The following DZANK1 variants were observed in gnomAD, a reference collection of about 807,000 sequenced individuals.
DZANK1 encodes double zinc ribbon and ankyrin repeat domains 1.
DZANK1 carries 91 observed loss-of-function variants against 94.5 expected under a neutral mutation model. The observed-to-expected ratio is 0.96, with a 90% CI of 0.81 to 1.15. DZANK1 has a LOEUF of 1.15. DZANK1 is among the 50% of genes most tolerant of loss of function. The pLI is 0.00. For synonymous variants in DZANK1, 312 were observed against 325.3 expected (o/e 0.96, Z 0.44); for missense variants, 903 against 916.4 (o/e 0.99, Z 0.19).
chr20:18,394,255 C>G, exon 16 of DZANK1: 1 of 1,613,002 alleles, frequency 6.2e-7, no homozygotes, highest in Non-Finnish European at 8.5e-7. Context: ...ATAACTCACC[C>G]CAGCTGGACC....
Position 18,415,197 on chromosome 20 carries a change from C to T in DZANK1, c.1077+130G>A, listed in dbSNP as rs1293835809. On this transcript the variant is annotated intron_variant, in intron 11 of 20. Coordinates refer to ENST00000262547, the Ensembl canonical transcript of DZANK1. ...AATTAATTATCTCTATCTCCAGATT[C>T]TTAGGTTATAGGTACCAGTAGCGAA... 3 of 930,456 alleles carry T rather than the reference C, an allele frequency of 3.2e-6. No homozygotes were observed. In the Admixed American group the frequency reaches 1.1e-4, roughly 34 times the overall value. The allele number at this position is 930,456 out of a possible 1,614,324, so 57.6% of individuals were successfully genotyped here.
At chr20:18,448,382 G>A (rs1044833391) in intron 7 of DZANK1, among the ~76,000 whole-genome samples, 3 of 152,138 alleles carry the variant, frequency 2.0e-5, no homozygotes, top group Admixed American at 6.5e-5. Flanking sequence ...TGTGATGAGC[G>A]GGGGTAAAAG....
chr20:18,430,550 C>T (rs1032132441), intron 9 of DZANK1, among the ~76,000 whole-genome samples: 3 of 152,182 alleles, frequency 2.0e-5, no homozygotes, highest in African/African-American at 7.2e-5. Flanking sequence ...TGCGGTGGCC[C>T]ACGCCTGTAA....
intron 13 of DZANK1, among the ~76,000 whole-genome samples, chr20:18,402,388 G>T (rs1043778936): frequency 6.6e-6 from 1 of 152,086 alleles, no homozygotes; most frequent in Non-Finnish European, 1.5e-5. Context: ...GCACTAAGAA[G>T]AAAAATGGCA....
At chr20:18,394,447 T>C in intron 15 of DZANK1, 97 bp from the exon 16 acceptor site, 1 of 1,166,498 alleles carries the variant, frequency 8.6e-7, no homozygotes, top group Non-Finnish European at 1.2e-6. Flanking sequence ...CCTTATTAAG[T>C]ACAGCTCTAC....
exon 17 of DZANK1, chr20:18,393,749 T>C: frequency 1.2e-6 from 2 of 1,613,304 alleles, no homozygotes; most frequent in South Asian, 2.2e-5. Flanking sequence ...GTTTTGGTCT[T>C]GAAATTCTTT....
intron 15 of DZANK1, 91 bp from the exon 16 acceptor site, chr20:18,394,441 A>T: frequency 8.1e-7 from 1 of 1,235,172 alleles, no homozygotes; most frequent in Non-Finnish European, 1.2e-6. Flanking sequence ...GCTCCTCCTT[A>T]TTAAGTACAG....
Position 18,443,337 on chromosome 20 carries a change from T to C in DZANK1, c.747+10A>G. 1 of 1,499,282 alleles carries C rather than the reference T, an allele frequency of 6.7e-7. No homozygotes were observed. Among genetic ancestry groups the C allele is most frequent in the Non-Finnish European group, 9.1e-7 (1 of 1,100,002 alleles). The allele number at this position is 1,499,282 out of a possible 1,614,324, so 92.9% of individuals were successfully genotyped here. A position where few individuals can be genotyped will look rare whatever the true frequency, so the allele number is the denominator to read the frequency against. ...CAATGAAAGATGTTTTTAAGAATTCTGCTGCTCACCTGAGCTCCTTCTGGG... is the reference window on the plus strand; with the variant it reads ...CAATGAAAGATGTTTTTAAGAATTCCGCTGCTCACCTGAGCTCCTTCTGGG... On this transcript the variant is annotated intron_variant, in intron 8 of 20. Coordinates refer to ENST00000262547, the Ensembl canonical transcript of DZANK1.
Position 18,415,318 on chromosome 20 carries a change from A to T in DZANK1, c.1077+9T>A, listed in dbSNP as rs2057438779. 1.3e-6 allele frequency: 2 copies of T among 1,526,620 alleles called. No individual in the cohort carries two copies. Among genetic ancestry groups the T allele is most frequent in the African/African-American group, 1.4e-5 (1 of 71,194 alleles). The allele number at this position is 1,526,620 out of a possible 1,614,324, so 94.6% of individuals were successfully genotyped here. ...TCAGTATACAGAATCTCAGTTTTAA[A>T]ATACCCACCATGGCTCCACACCAGC... On this transcript the variant is annotated intron_variant, in intron 11 of 20. Coordinates refer to ENST00000262547, the Ensembl canonical transcript of DZANK1.
chr20:18,392,090 G>A (rs1410948627), intron 17 of DZANK1, among the ~76,000 whole-genome samples: 1 of 152,110 alleles, frequency 6.6e-6, no homozygotes, highest in Non-Finnish European at 1.5e-5. Context: ...GTGAACAAAT[G>A]TTACAGCTTC....
intron 15 of DZANK1, among the ~76,000 whole-genome samples, chr20:18,395,975 G>A (rs2056318599): frequency 6.6e-6 from 1 of 152,020 alleles, no homozygotes; most frequent in Admixed American, 6.6e-5. Context: ...CCTTTTCCTT[G>A]GCTTCTCAAT....
intron 13 of DZANK1, among the ~76,000 whole-genome samples, chr20:18,409,623 A>G (rs2057140680): frequency 6.6e-6 from 1 of 151,958 alleles, no homozygotes; most frequent in Non-Finnish European, 1.5e-5. Flanking sequence ...GTAATTATGT[A>G]ATTATAAAAG....
At chr20:18,414,447 T>A (rs1345881215) in exon 12 of DZANK1, 13 of 1,613,710 alleles carry the variant, frequency 8.1e-6, no homozygotes, top group Non-Finnish European at 1.0e-5. Context: ...AGCCACAGAA[T>A]CGGGCAGACA....
At chr20:18,409,999 C>T (rs1308895827) in intron 13 of DZANK1, among the ~76,000 whole-genome samples, 3 of 143,362 alleles carry the variant, frequency 2.1e-5, no homozygotes, top group Non-Finnish European at 3.0e-5. Flanking sequence ...CGCCACCGCA[C>T]TCCAGCCTGG....
Position 18,390,463 on chromosome 20 carries a change from C to T in DZANK1, c.1810-4G>A. 6.2e-7 allele frequency: 1 copy of T among 1,613,592 alleles called. No homozygotes were observed. The highest frequency in any genetic ancestry group is 2.2e-5 in the East Asian group (1 of 44,882). On this transcript the variant is annotated splice_polypyrimidine_tract_variant and splice_region_variant and intron_variant, in intron 17 of 20. Coordinates refer to ENST00000262547, the Ensembl canonical transcript of DZANK1. The stretch of plus-strand genomic sequence containing the variant: ...TCAGCAGGAGTCTGTTTTCAGGCTG[C>T]AGGATTACAGAATGTGGTCATTTCC...
chr20:18,426,853 T>G (rs906712197), intron 10 of DZANK1, among the ~76,000 whole-genome samples: 2 of 152,250 alleles, frequency 1.3e-5, no homozygotes, highest in Non-Finnish European at 2.9e-5. Context: ...AAGAAATTAT[T>G]GATTTTACTG....
At chr20:18,418,175 G>T (rs1209436152) in intron 10 of DZANK1, among the ~76,000 whole-genome samples, 1 of 152,048 alleles carries the variant, frequency 6.6e-6, no homozygotes, top group Non-Finnish European at 1.5e-5. Context: ...AGCAGGAGGG[G>T]AGTTATACAA....
chr20:18,436,317 G>A (rs1402743383), intron 8 of DZANK1, among the ~76,000 whole-genome samples: 3 of 150,772 alleles, frequency 2.0e-5, no homozygotes, highest in East Asian at 3.9e-4. Context: ...AGAGGCGGGC[G>A]CCTGTAGTCC....
At chr20:18,393,543 A>C (rs1024268609) in intron 17 of DZANK1, among the ~76,000 whole-genome samples, 168 bp downstream of exon 17, 1 of 152,236 alleles carries the variant, frequency 6.6e-6, no homozygotes, top group Admixed American at 6.5e-5. Context: ...CTAATTCATA[A>C]TCTTGAGATA....
Sources: gnomAD v4.1 joint callset for allele counts (sites outside exome capture counted in the v4.1 genomes callset) on GRCh38, gnomAD v4.1.1 for gene constraint, MANE v1.5 for transcripts, NCBI Gene and HGNC (gene_info 2026-07-23, HGNC 2026-07-21) for gene names.